TMEM233: variants seen among roughly 807,000 people sequenced by gnomAD.
The protein encoded by TMEM233 is dispanin subfamily B member 2.
In TMEM233, 6 loss-of-function variants were observed where a neutral mutation model predicts 11.2. The observed-to-expected ratio is 0.54, with a 90% CI of 0.29 to 1.06. The LOEUF (loss-of-function observed/expected upper bound fraction) is 1.06. Ranked by LOEUF, TMEM233 falls within the 50% of genes least tolerant of loss-of-function variation. TMEM233 has a pLI of 0.08. For missense variants in TMEM233, 127 were observed against 144.7 expected (o/e 0.88, Z 0.63); for synonymous variants, 59 against 55.8 (o/e 1.06, Z -0.26).
intron 1 of TMEM233, among the ~76,000 whole-genome samples, chr12:119,611,814 C>A (rs1388358597): frequency 6.6e-6 from 1 of 152,072 alleles, no homozygotes; most frequent in South Asian, 2.1e-4. Flanking sequence ...GAACTCAACT[C>A]CTAAGTCTGA....
intron 1 of TMEM233, among the ~76,000 whole-genome samples, chr12:119,607,797 C>G (rs1466335941): frequency 6.6e-6 from 1 of 151,934 alleles, no homozygotes; most frequent in Non-Finnish European, 1.5e-5. Context: ...GTATTTCTTG[C>G]TGGTCTCCAA....
the TMEM233 span, among the ~76,000 whole-genome samples, chr12:119,652,178 G>T: frequency 6.6e-6 from 1 of 152,192 alleles, no homozygotes; most frequent in South Asian, 2.1e-4. Context: ...TTCCATATTA[G>T]AAATTATTCC....
intron 1 of TMEM233, among the ~76,000 whole-genome samples, chr12:119,597,159 C>CA (rs530596764): frequency 2.4e-4 from 37 of 152,264 alleles, no homozygotes; most frequent in Admixed American, 2.0e-3. Context: ...GGTGGGAGAC[C>CA]AATTCTGCCA....
the TMEM233 span, among the ~76,000 whole-genome samples, chr12:119,651,820 C>T: frequency 4.4e-5 from 4 of 90,940 alleles, no homozygotes; most frequent in Admixed American, 1.3e-4. Flanking sequence ...AGTGAGACTC[C>T]GTCTCAAAAA....
At chr12:119,626,411 A>C (rs1954757820) in intron 1 of TMEM233, among the ~76,000 whole-genome samples, 1 of 150,650 alleles carries the variant, frequency 6.6e-6, no homozygotes, top group African/African-American at 2.4e-5. Flanking sequence ...CAGAGGTTGC[A>C]GTGAGCTGAG....
intron 1 of TMEM233, among the ~76,000 whole-genome samples, chr12:119,604,807 A>G (rs1464367925): frequency 6.6e-6 from 1 of 151,694 alleles, no homozygotes; most frequent in Non-Finnish European, 1.5e-5. Context: ...TAATTTTTTA[A>G]TTATTTTTTA....
At chr12:119,646,015 A>G (rs1485330597), downstream of TMEM233, among the ~76,000 whole-genome samples, 1 of 152,076 alleles carries the variant, frequency 6.6e-6, no homozygotes, top group Admixed American at 6.5e-5. Context: ...AGGTAAATAA[A>G]TATTTCTTGA....
At chr12:119,643,999 T>A (rs1477424571), downstream of TMEM233, among the ~76,000 whole-genome samples, 2 of 152,212 alleles carry the variant, frequency 1.3e-5, no homozygotes, top group Non-Finnish European at 2.9e-5. Flanking sequence ...ACAATACGAC[T>A]GCCAACAGCT....
chr12:119,611,543 G>GATAT (rs10542488), intron 1 of TMEM233, among the ~76,000 whole-genome samples: 36 of 150,380 alleles, frequency 2.4e-4, no homozygotes, highest in African/African-American at 5.4e-4. Flanking sequence ...TTGAGTTTAA[G>GATAT]ATATATATAT....
chr12:119,653,993 C>T, the TMEM233 span, among the ~76,000 whole-genome samples: 1 of 149,104 alleles, frequency 6.7e-6, no homozygotes, highest in East Asian at 2.0e-4. Context: ...AAACAAAAAC[C>T]CAATCAGGAT....
chr12:119,642,074 T>C lies in TMEM233; in HGVS notation c.*1369T>C, dbSNP rs1955090085. On this transcript the variant is annotated 3_prime_UTR_variant, in exon 3 of 3. Coordinates refer to ENST00000426426, the MANE Select transcript of TMEM233 (RefSeq NM_001136534.3). ...CAAGAGAACTCAAGAAAATATCAAG[T>C]AATTAACACACCAGATAAGTATATG... 1 of 152,228 alleles carries C rather than the reference T, an allele frequency of 6.6e-6. No homozygotes were observed. Among genetic ancestry groups the C allele is most frequent in the South Asian group, 2.1e-4 (1 of 4,834 alleles). 9.4% of individuals were successfully genotyped at this position (152,228 alleles called of 1,614,324 possible). A position where few individuals can be genotyped will look rare whatever the true frequency, so the allele number is the denominator to read the frequency against.
intron 1 of TMEM233, among the ~76,000 whole-genome samples, chr12:119,598,728 G>A (rs963568275): frequency 6.6e-6 from 1 of 152,176 alleles, no homozygotes; most frequent in African/African-American, 2.4e-5. Context: ...CAACCATTAA[G>A]GTTCAAATCC....
intron 1 of TMEM233, among the ~76,000 whole-genome samples, chr12:119,606,726 A>T (rs945140307): frequency 6.6e-6 from 1 of 152,272 alleles, no homozygotes; most frequent in African/African-American, 2.4e-5. Flanking sequence ...TTAGATGTTC[A>T]TCCAGCATTA....
intron 1 of TMEM233, among the ~76,000 whole-genome samples, chr12:119,612,289 A>G (rs1189155241): frequency 6.7e-6 from 1 of 150,242 alleles, no homozygotes; most frequent in Non-Finnish European, 1.5e-5. Context: ...CACTGCGCCC[A>G]GCCCTGTGCA....
At chr12:119,614,995 C>T (rs1488866313) in intron 1 of TMEM233, among the ~76,000 whole-genome samples, 2 of 151,668 alleles carry the variant, frequency 1.3e-5, no homozygotes, top group Non-Finnish European at 2.9e-5. Context: ...TCTCCTCTCT[C>T]TTTCACTCCT....
the TMEM233 span, among the ~76,000 whole-genome samples, chr12:119,648,768 T>G: frequency 5.9e-5 from 9 of 152,192 alleles, no homozygotes; most frequent in Non-Finnish European, 1.0e-4. Flanking sequence ...ATTAATTAAT[T>G]AATGAGGTAG....
At chr12:119,649,801 T>C in the TMEM233 span, among the ~76,000 whole-genome samples, 1 of 148,994 alleles carries the variant, frequency 6.7e-6, no homozygotes, top group East Asian at 2.0e-4. Context: ...TCAGTCTCTA[T>C]ATTCTACAAT....
At position 119,629,753 on chromosome 12, in the gene TMEM233, C is replaced by G; in HGVS notation, c.204C>G (p.Asn68Lys). Residue 68 changes from asparagine to lysine, a missense_variant, in exon 2 of 3, where the codon AAC becomes AAG. Coordinates refer to ENST00000426426, the MANE Select transcript of TMEM233 (RefSeq NM_001136534.3). Reference protein sequence around the residue: ...VFSIMSLNSYNDGDYEGARRL... With the variant: ...VFSIMSLNSYKDGDYEGARRL... ...TCCCCCAGTCTCTGAACAGCTACAACGATGGAGACTACGAAGGAGCCAGGC... is the reference window on the plus strand; with the variant it reads ...TCCCCCAGTCTCTGAACAGCTACAAGGATGGAGACTACGAAGGAGCCAGGC... The G allele has an allele frequency of 6.4e-7, 1 of 1,551,156 alleles. No homozygotes were observed. The highest frequency in any genetic ancestry group is 1.2e-5 in the South Asian group (1 of 83,984).
chr12:119,609,825 C>A (rs1035231418), intron 1 of TMEM233, among the ~76,000 whole-genome samples: 10 of 152,182 alleles, frequency 6.6e-5, no homozygotes, highest in Non-Finnish European at 1.2e-4. Flanking sequence ...GGAGTGAAGT[C>A]CTCATGAAGA....
Sources: gnomAD v4.1 joint callset for allele counts (sites outside exome capture counted in the v4.1 genomes callset) on GRCh38, gnomAD v4.1.1 for gene constraint, MANE v1.5 for transcripts, NCBI Gene and HGNC (gene_info 2026-07-23, HGNC 2026-07-21) for gene names.